GABRG3: variants seen among roughly 807,000 people sequenced by gnomAD.
The protein encoded by GABRG3 is gamma-aminobutyric acid type A receptor subunit gamma3, also known as gamma-aminobutyric acid receptor subunit gamma-3.
GABRG3 carries 25 observed loss-of-function variants against 48.8 expected under a neutral mutation model. That is an observed-to-expected ratio of 0.51 (90% CI 0.37 to 0.72). The LOEUF (loss-of-function observed/expected upper bound fraction) is 0.72. GABRG3 is among the 30% of genes least tolerant of loss of function. GABRG3 has a pLI of 0.00. For synonymous variants in GABRG3, 227 were observed against 217.6 expected (o/e 1.04, Z -0.38); for missense variants, 394 against 577.9 (o/e 0.68, Z 3.26).
chr15:27,417,624 C>T (rs1887980228), intron 5 of GABRG3, among the ~76,000 whole-genome samples: 1 of 152,200 alleles, frequency 6.6e-6, no homozygotes, highest in Admixed American at 6.5e-5. Flanking sequence ...CCTATTTCCC[C>T]ACAAGCTCCC....
intron 5 of GABRG3, among the ~76,000 whole-genome samples, chr15:27,411,760 A>G (rs1887804973): frequency 6.6e-6 from 1 of 152,184 alleles, no homozygotes; most frequent in Non-Finnish European, 1.5e-5. Flanking sequence ...AAATAACACC[A>G]TACCATTTAA....
Position 27,028,679 on chromosome 15 carries a change from G to A in GABRG3, c.270+1858G>A, listed in dbSNP as rs181724597. On this transcript the variant is annotated intron_variant, in intron 3 of 9. Coordinates refer to ENST00000615808, the MANE Select transcript of GABRG3 (RefSeq NM_033223.5). Reference sequence around the variant, plus strand: ...AAATCAGCTGGGCATGGTGGCAGGCGCCTGTAGTCTCAGCTACTCGAGAGG... The same window carrying A: ...AAATCAGCTGGGCATGGTGGCAGGCACCTGTAGTCTCAGCTACTCGAGAGG... 3.1e-3 allele frequency among the ~76,000 whole-genome samples: 471 copies of A among 151,828 alleles called. 3 individuals are homozygous for A. Among genetic ancestry groups the A allele is most frequent in the African/African-American group, 0.01 (419 of 41,384 alleles).
chr15:27,092,444 T>C (rs1897203543), intron 3 of GABRG3, among the ~76,000 whole-genome samples: 2 of 152,208 alleles, frequency 1.3e-5, no homozygotes, highest in South Asian at 4.1e-4. Flanking sequence ...GAGACCTCAC[T>C]ATCTGGTCCT....
intron 5 of GABRG3, among the ~76,000 whole-genome samples, chr15:27,334,065 T>A (rs1462641550): frequency 6.6e-6 from 1 of 152,210 alleles, no homozygotes; most frequent in Non-Finnish European, 1.5e-5. Context: ...TGAGCTTTAT[T>A]TTACTCATGA....
intron 5 of GABRG3, among the ~76,000 whole-genome samples, chr15:27,368,098 A>T (rs937002564): frequency 6.6e-6 from 1 of 152,218 alleles, no homozygotes; most frequent in Non-Finnish European, 1.5e-5. Flanking sequence ...GGGATGGGCC[A>T]TCCAGCTGTA....
chr15:27,198,283 G>A lies in GABRG3; in HGVS notation c.271-128526G>A, dbSNP rs376223035. The stretch of plus-strand genomic sequence containing the variant: ...AGGGCTAATATCCAGAATCTACAAG[G>A]AACTTAAACAAATTTACAAGAAAAA... On this transcript the variant is annotated intron_variant, in intron 3 of 9. Transcript: ENST00000615808. Among the ~76,000 whole-genome samples, 84 of 152,112 alleles carry A rather than the reference G, an allele frequency of 5.5e-4. No individual in the cohort carries two copies. In the South Asian group the frequency reaches 0.017, roughly 30 times the overall value.
intron 5 of GABRG3, among the ~76,000 whole-genome samples, chr15:27,423,615 G>A (rs1224802468): frequency 2.0e-5 from 3 of 148,130 alleles, no homozygotes; most frequent in African/African-American, 5.0e-5. Context: ...GCACAATCAC[G>A]AAACACTGCA....
chr15:27,306,055 C>A (rs1213703773), intron 3 of GABRG3, among the ~76,000 whole-genome samples: 3 of 95,154 alleles, frequency 3.2e-5, no homozygotes, highest in African/African-American at 4.1e-5. Context: ...ATAATATAAA[C>A]CTATATGTTT....
intron 3 of GABRG3, among the ~76,000 whole-genome samples, chr15:27,080,596 C>T (rs111725226): frequency 0.19 from 29,479 of 152,066 alleles, 2,942 homozygotes; most frequent in Middle Eastern, 0.25. Context: ...CTGGGCAACA[C>T]AGCGAGACCT....
At chr15:27,103,642 C>T (rs1258196577) in intron 3 of GABRG3, among the ~76,000 whole-genome samples, 1 of 152,200 alleles carries the variant, frequency 6.6e-6, no homozygotes, top group Non-Finnish European at 1.5e-5. Context: ...AAACATGTTA[C>T]ACATCCATTG....
intron 3 of GABRG3, among the ~76,000 whole-genome samples, chr15:27,268,412 C>T (rs549534145): frequency 1.1e-4 from 17 of 152,068 alleles, no homozygotes; most frequent in Non-Finnish European, 2.5e-4. Flanking sequence ...ACTAATTTGT[C>T]TTCTCTTTTT....
At position 26,974,846 on chromosome 15, in the gene GABRG3, A is replaced by T. The variant is rs1013273202; in HGVS notation, c.54-2156A>T. Among the ~76,000 whole-genome samples the T allele has an allele frequency of 0.049, 949 of 19,218 alleles. 14 individuals carry two copies. Among genetic ancestry groups the T allele is most frequent in the African/African-American group, 0.25 (870 of 3,414 alleles). 12.6% of individuals were successfully genotyped at this position (19,218 alleles called of 152,430 possible). A position where few individuals can be genotyped will look rare whatever the true frequency, so the allele number is the denominator to read the frequency against. On this transcript the variant is annotated intron_variant, in intron 1 of 9. Transcript: ENST00000615808. This position sits in a 1 kb window ranked among gnomAD's most constrained non-coding sequence, Gnocchi z 4.3. ...ATGACACGAAATATTTTTTAAATTT[A>T]TTATTATTATTATTATTATTATTAT...
At chr15:27,420,904 G>C (rs923950858) in intron 5 of GABRG3, among the ~76,000 whole-genome samples, 1 of 152,194 alleles carries the variant, frequency 6.6e-6, no homozygotes, top group African/African-American at 2.4e-5. Context: ...AAATGTGCTC[G>C]GGGCTTGTGG....
intron 5 of GABRG3, among the ~76,000 whole-genome samples, chr15:27,330,549 T>C (rs1031316088): frequency 6.6e-6 from 1 of 152,238 alleles, no homozygotes; most frequent in African/African-American, 2.4e-5. Flanking sequence ...TAAAAATGTG[T>C]TTAAATCATT....
chr15:27,526,591 A>G (rs1437260776), intron 7 of GABRG3, among the ~76,000 whole-genome samples: 1 of 151,962 alleles, frequency 6.6e-6, no homozygotes, highest in East Asian at 1.9e-4. Flanking sequence ...TCTTATGTTC[A>G]ATAGTCTCCA....
chr15:27,220,923 G>C (rs148509203), intron 3 of GABRG3, among the ~76,000 whole-genome samples: 16 of 151,998 alleles, frequency 1.1e-4, no homozygotes, highest in African/African-American at 1.7e-4. Context: ...TATTCAGTTC[G>C]ATCTTCAGAA....
chr15:27,211,433 T>TA (rs1253174177), intron 3 of GABRG3, among the ~76,000 whole-genome samples: 1 of 152,306 alleles, frequency 6.6e-6, no homozygotes, highest in East Asian at 1.9e-4. Context: ...TAAAAACAAA[T>TA]ACACTTTAGA....
At chr15:27,146,788 A>C (rs1349596209) in intron 3 of GABRG3, among the ~76,000 whole-genome samples, 1 of 152,142 alleles carries the variant, frequency 6.6e-6, no homozygotes, top group Non-Finnish European at 1.5e-5. Flanking sequence ...ATAACTAAAA[A>C]ATAATGTAGT....
intron 5 of GABRG3, among the ~76,000 whole-genome samples, chr15:27,465,808 A>G (rs971555552): frequency 6.6e-6 from 1 of 152,214 alleles, no homozygotes; most frequent in Non-Finnish European, 1.5e-5. Flanking sequence ...ACAGTTATAT[A>G]CACATAGTGA....
Sources: allele counts gnomAD v4.1 joint callset (sites outside exome capture counted in the v4.1 genomes callset), GRCh38; gene constraint gnomAD v4.1.1; non-coding constraint Gnocchi (gnomAD v3.1); transcripts MANE v1.5; gene names NCBI Gene and HGNC (gene_info 2026-07-23, HGNC 2026-07-21).